Variants in FLII observed in about 807,000 individuals in gnomAD.
The protein encoded by FLII is FLII actin remodeling protein, also known as protein flightless-1 homolog.
FLII carries 101 observed loss-of-function variants against 156.2 expected under a neutral mutation model. The ratio of observed to expected loss-of-function variants is 0.65; its 90% CI spans 0.55 to 0.76. The LOEUF is 0.76. Among genes scored for constraint, FLII ranks in the 30% least tolerant of loss-of-function variants. The pLI is 0.00. For missense variants in FLII, 1,675 were observed against 1,682.8 expected (o/e 1.00, Z 0.08); for synonymous variants, 767 against 685.8 (o/e 1.12, Z -1.85).
chr17:18,248,524 A>T (rs989202597), intron 18 of FLII, 26 bp downstream of exon 18: 9 of 1,578,796 alleles, frequency 5.7e-6, no homozygotes, highest in African/African-American at 1.3e-5. Context: ...TGGGAGGCCA[A>T]GGTGGGCCTC....
At chr17:18,245,890 C>A (rs376224540) in intron 26 of FLII, 40 bp from the exon 27 acceptor site, 2 of 1,613,916 alleles carry the variant, frequency 1.2e-6, no homozygotes, top group African/African-American at 2.7e-5. Context: ...CCCTGCCTGC[C>A]CTGGCTCCTC....
chr17:18,255,131 G>A (rs1417588934), intron 4 of FLII, 52 bp downstream of exon 4: 3 of 1,374,614 alleles, frequency 2.2e-6, no homozygotes, highest in East Asian at 2.3e-5. Context: ...TAGTGAGTGG[G>A]GATTGAATGG....
In FLII at chr17:18,252,032, C is replaced by T. The variant is rs777380750; in HGVS notation, c.1213G>A (p.Ala405Thr). The T allele has an allele frequency of 1.2e-6, 2 of 1,613,098 alleles. No homozygotes were observed. Among genetic ancestry groups the T allele is most frequent in the Non-Finnish European group, 1.7e-6 (2 of 1,179,904 alleles). ...GCTGCAGCCACGGTAGCAGGAGAGG[C>T]ACCCGCTAGCCGCAGCTGGTTCTGC... ...SLQNQLRLAG[A>T]SPATVAAAAA... is the part of the protein sequence containing the mutation. The change falls in exon 11 of 30, where the codon GCC becomes ACC. Residue 405 changes from alanine to threonine, a missense_variant. Coordinates refer to ENST00000327031, the MANE Select transcript of FLII (RefSeq NM_002018.4).
At chr17:18,258,752 G>C, upstream of FLII, 2 of 1,207,312 alleles carry the variant, frequency 1.7e-6, no homozygotes, top group African/African-American at 1.6e-5. The surrounding 1 kb of genome is among the most constrained non-coding windows in gnomAD (Gnocchi z 4.2). Flanking sequence ...GGCGCTGGGG[G>C]GAGCCGCGGG....
chr17:18,245,296 G>C (rs567421136), intron 29 of FLII, 24 bp from the exon 30 acceptor site: 2 of 1,612,872 alleles, frequency 1.2e-6, no homozygotes, highest in East Asian at 2.2e-5. Context: ...AGCGAGCCTT[G>C]GGTGATGACC....
chr17:18,245,293 C>T, intron 29 of FLII, 21 bp from the exon 30 acceptor site: 4 of 1,612,868 alleles, frequency 2.5e-6, no homozygotes, highest in African/African-American at 1.3e-5. Context: ...GACAGCGAGC[C>T]TTGGGTGATG....
At chr17:18,249,436 T>G (rs754926245) in intron 14 of FLII, 28 bp from the exon 15 acceptor site, 1 of 1,588,614 alleles carries the variant, frequency 6.3e-7, no homozygotes, top group Non-Finnish European at 8.6e-7. Context: ...TGGTTCTTCA[T>G]CACTGAGCTG....
At chr17:18,246,496 G>A in intron 23 of FLII, 34 bp from the exon 24 acceptor site, 21 of 1,613,026 alleles carry the variant, frequency 1.3e-5, no homozygotes, top group Non-Finnish European at 1.7e-5. Flanking sequence ...GCAGCTCCCT[G>A]GACCCCCACC....
chr17:18,253,608 C>T lies in FLII; in HGVS notation c.791G>A (p.Cys264Tyr). 6 of 1,614,094 alleles carry T rather than the reference C, an allele frequency of 3.7e-6. No individual in the cohort carries two copies. Among genetic ancestry groups the T allele is most frequent in the Non-Finnish European group, 5.1e-6 (6 of 1,180,024 alleles). ...SSNQITELSL[C>Y]IDQWVHVETL... ...TTCCACGTGCACCCACTGGTCTATGCACAGGGACAGCTCCGTGATCTGGTT... is the reference window on the plus strand; with the variant it reads ...TTCCACGTGCACCCACTGGTCTATGTACAGGGACAGCTCCGTGATCTGGTT... The change falls in exon 8 of 30, where the codon TGC (cysteine) becomes TAC (tyrosine). Residue 264 changes from cysteine (C) to tyrosine (Y), a missense_variant. Cys to Tyr is a radical substitution (Grantham distance 194). Transcript: ENST00000327031.
At chr17:18,247,122 T>TGGGGGGGGGGG in intron 21 of FLII, 47 bp downstream of exon 21, 27 of 1,011,146 alleles carry the variant, frequency 2.7e-5, no homozygotes, top group Non-Finnish European at 3.4e-5. Flanking sequence ...GCCCTCGGCC[T>TGGGGGGGGGGG]GCCCCCCACC....
intron 23 of FLII, 54 bp downstream of exon 23, chr17:18,246,540 A>G (rs2856289): frequency 0.73 from 1,180,280 of 1,611,676 alleles, 434,957 homozygotes; most frequent in African/African-American, 0.89. Context: ...GCTGGGTCTG[A>G]GCCCCACCAC....
chr17:18,254,070 C>T lies in FLII; in HGVS notation c.679+9G>A. 1.2e-6 allele frequency: 2 copies of T among 1,600,902 alleles called. No homozygotes were observed. Among genetic ancestry groups the T allele is most frequent in the Non-Finnish European group, 1.7e-6 (2 of 1,171,804 alleles). On this transcript the variant is annotated intron_variant, in intron 7 of 29. Transcript: ENST00000327031. The stretch of plus-strand genomic sequence containing the variant: ...CCCGAGCTCAGAGGGGCTCCTGGGG[C>T]TGCCTGACCTGCGAGGTTGCTCAGA...
At chr17:18,252,281 CTG>C in intron 10 of FLII, 135 bp from the exon 11 acceptor site, 1 of 914,520 alleles carries the variant, frequency 1.1e-6, no homozygotes, top group East Asian at 2.6e-5. Flanking sequence ...CCACCCACCT[CTG>C]GGGCTGGCTG....
At chr17:18,252,650 G>A in intron 9 of FLII, 94 bp from the exon 10 acceptor site, 1 of 976,028 alleles carries the variant, frequency 1.0e-6, no homozygotes, top group South Asian at 1.3e-5. Flanking sequence ...GAGGCAGGTA[G>A]GGTCAGAGGA....
At chr17:18,254,948 T>G in intron 4 of FLII, 94 bp from the exon 5 acceptor site, 26 of 1,271,470 alleles carry the variant, frequency 2.0e-5, no homozygotes, top group Non-Finnish European at 3.0e-5. Context: ...GAGTTGGGTG[T>G]GGGGGTAGAT....
intron 10 of FLII, 96 bp from the exon 11 acceptor site, chr17:18,252,242 C>A: frequency 8.1e-7 from 1 of 1,233,198 alleles, no homozygotes; most frequent in African/African-American, 1.5e-5. Flanking sequence ...GCCGCCAGGG[C>A]TGAGAGGTCA....
Position 18,245,627 on chromosome 17 carries a change from A to C in FLII, c.3537T>G (p.Thr1179=). 6.2e-7 allele frequency: 1 copy of C among 1,613,834 alleles called. No homozygotes were observed. The highest frequency in any genetic ancestry group is 2.2e-5 in the East Asian group (1 of 44,880). The part of the protein sequence containing the change: ...CSNEKGYFAV[T]EKCSDFCQDD... ...CTTGGCAAAAGTCGGAGCATTTCTCAGTCACTGCAAAGTAGCCCTTCTCGT... is the reference window on the plus strand; with the variant it reads ...CTTGGCAAAAGTCGGAGCATTTCTCCGTCACTGCAAAGTAGCCCTTCTCGT... The change falls in exon 28 of 30, where the codon ACT becomes ACG. Residue 1179 remains threonine, a synonymous_variant. Transcript: ENST00000327031.
rs747983785 is a variant in FLII at position 18,254,821 on chromosome 17, G to A, written c.361C>T (p.Arg121Trp). ...LSHNQLTECP[R>W]ELENAKNMLV... ...ATGTTCTTGGCGTTCTCCAGCTCCC[G>A]CGGGCACTCTGTCAGCTGGTTGTGG... The change falls in exon 5 of 30, where the codon CGG (arginine) becomes TGG (tryptophan). Residue 121 changes from arginine to tryptophan, a missense_variant. Arg to Trp is a moderately radical substitution (Grantham distance 101). Around this residue, in one of 2 missense-constraint regions of FLII, gnomAD observed 343 missense variants for 413.5 expected, o/e 0.83. Coordinates refer to ENST00000327031, the MANE Select transcript of FLII (RefSeq NM_002018.4). 1.1e-5 allele frequency: 17 copies of A among 1,614,140 alleles called. No homozygotes were observed. The highest frequency in any genetic ancestry group is 1.7e-5 in the Admixed American group (1 of 60,022).
intron 9 of FLII, 107 bp from the exon 10 acceptor site, chr17:18,252,663 T>G: frequency 1.2e-6 from 1 of 832,970 alleles, no homozygotes; most frequent in Non-Finnish European, 2.1e-6. Context: ...TCAGAGGAAC[T>G]GGCGGGGGTC....
Sources: allele counts gnomAD v4.1 joint callset, GRCh38; gene constraint gnomAD v4.1.1; regional missense constraint gnomAD v4.1.1; non-coding constraint Gnocchi (gnomAD v3.1); transcripts MANE v1.5; gene names NCBI Gene and HGNC (gene_info 2026-07-23, HGNC 2026-07-21).